WDR41: variants seen among roughly 807,000 people sequenced by gnomAD.
The protein encoded by WDR41 is WD repeat-containing protein 41.
WDR41 carries 63 observed loss-of-function variants against 69.3 expected under a neutral mutation model. The ratio of observed to expected loss-of-function variants is 0.91; its 90% confidence interval spans 0.74 to 1.12. The LOEUF (loss-of-function observed/expected upper bound fraction) is 1.12, where lower values mean the gene tolerates loss of function less well. Ranked by LOEUF, WDR41 falls within the 50% of genes most tolerant of loss-of-function variation. The pLI is 0.00. For missense variants in WDR41, 543 were observed against 534.5 expected (o/e 1.02, Z -0.16); for synonymous variants, 185 against 192.1 (o/e 0.96, Z 0.31).
At chr5:77,610,363 C>G (rs1296924416) in intron 1 of WDR41, among the ~76,000 whole-genome samples, 1 of 152,102 alleles carries the variant, frequency 6.6e-6, no homozygotes, top group Non-Finnish European at 1.5e-5. Context: ...TCAGATTCAC[C>G]AAACTTGAAA....
chr5:77,474,312 C>T (rs570779532), intron 2 of WDR41, among the ~76,000 whole-genome samples: 8 of 152,084 alleles, frequency 5.3e-5, no homozygotes, highest in African/African-American at 1.9e-4. Context: ...GGAGGGATAG[C>T]ATTTGGAGAT....
At chr5:77,599,581 G>A (rs1302279564) in intron 1 of WDR41, among the ~76,000 whole-genome samples, 1 of 152,044 alleles carries the variant, frequency 6.6e-6, no homozygotes, top group Non-Finnish European at 1.5e-5. Flanking sequence ...TTCCAAATGA[G>A]ATTATTTAGT....
intron 1 of WDR41, among the ~76,000 whole-genome samples, chr5:77,505,131 G>A (rs139369886): frequency 0.022 from 3,326 of 152,246 alleles, 99 homozygotes; most frequent in African/African-American, 0.067. Context: ...AAACCCCATC[G>A]TCTCCACCCA....
Position 77,551,668 on chromosome 5 carries a change from A to G in WDR41, c.43-62096T>C, listed in dbSNP as rs1743298586. 2.0e-5 allele frequency among the ~76,000 whole-genome samples: 3 copies of G among 151,360 alleles called. No individual in the cohort carries two copies. In the South Asian group the frequency reaches 6.3e-4, roughly 32 times the overall value. On this transcript the variant is annotated intron_variant, in intron 1 of 5. Transcript: ENST00000509971. ...ACTCCAGCCTGGGTGACAGAGTGAG[A>G]CTCTGACTCAAAAAATAAAAAAATA...
At chr5:77,614,150 G>C (rs1175803289) in intron 1 of WDR41, among the ~76,000 whole-genome samples, 1 of 150,930 alleles carries the variant, frequency 6.6e-6, no homozygotes, top group South Asian at 2.1e-4. Context: ...GAAACAACAG[G>C]TGCTGGAGAG....
chr5:77,464,240 T>A (rs960609500), intron 3 of WDR41, among the ~76,000 whole-genome samples: 1 of 151,768 alleles, frequency 6.6e-6, no homozygotes, highest in Non-Finnish European at 1.5e-5. Context: ...TTTTTTGAAT[T>A]TTCATACTTT....
intron 1 of WDR41, among the ~76,000 whole-genome samples, chr5:77,511,252 C>T (rs2112172624): frequency 6.6e-6 from 1 of 152,272 alleles, no homozygotes; most frequent in African/African-American, 2.4e-5. Context: ...CAGTTGACGT[C>T]TTTTCAATAC....
chr5:77,583,434 C>G lies in WDR41; in HGVS notation c.42+37045G>C, dbSNP rs545957326. Among the ~76,000 whole-genome samples, 18 of 151,486 alleles carry G rather than the reference C, an allele frequency of 1.2e-4. 1 individual carries two copies. In the South Asian group the frequency reaches 3.3e-3, roughly 28 times the overall value. ...GAGGCTGATGTGAGGATCACTTGAG[C>G]CAGGGAGGCAGAGGTTGCAGTGAGT... is the stretch of plus-strand genomic sequence containing the variant. On this transcript the variant is annotated intron_variant, in intron 1 of 5. Transcript: ENST00000509971.
At chr5:77,436,144 A>G in intron 12 of WDR41, 117 bp downstream of exon 12, 2 of 1,345,984 alleles carry the variant, frequency 1.5e-6, no homozygotes, top group Non-Finnish European at 1.0e-6. Context: ...TTCAGATCTG[A>G]CAAACACCTA....
At chr5:77,543,351 C>A (rs1198103721) in intron 1 of WDR41, among the ~76,000 whole-genome samples, 1 of 152,102 alleles carries the variant, frequency 6.6e-6, no homozygotes, top group South Asian at 2.1e-4. Flanking sequence ...AGTTACTAAG[C>A]TAATCAGGGA....
chr5:77,590,281 T>C (rs962328543), intron 1 of WDR41, among the ~76,000 whole-genome samples: 12 of 152,198 alleles, frequency 7.9e-5, no homozygotes, highest in African/African-American at 2.9e-4. Flanking sequence ...TTGATTGCCT[T>C]ACCAATGTCT....
chr5:77,491,857 G>A (rs1801804880), intron 1 of WDR41: 2 of 394,194 alleles, frequency 5.1e-6, no homozygotes, highest in South Asian at 6.9e-5. Context: ...GAAGCCCTAA[G>A]TTGTCACAGG....
chr5:77,517,106 T>A (rs12658646), intron 1 of WDR41, among the ~76,000 whole-genome samples: 49,302 of 151,756 alleles, frequency 0.32, 8,102 homozygotes, highest in Admixed American at 0.35. Context: ...TTACAACCCA[T>A]TGGCCAGAAC....
intron 8 of WDR41, among the ~76,000 whole-genome samples, chr5:77,449,438 G>C (rs1430974582): frequency 6.6e-6 from 1 of 152,166 alleles, no homozygotes; most frequent in Non-Finnish European, 1.5e-5. Context: ...CTACAAAAGA[G>C]GAACTAGCCA....
At chr5:77,614,353 T>G (rs1475329244) in intron 1 of WDR41, among the ~76,000 whole-genome samples, 2 of 151,884 alleles carry the variant, frequency 1.3e-5, no homozygotes, top group South Asian at 2.1e-4. Context: ...ACATGTATGT[T>G]TATTGTGGCA....
intron 1 of WDR41, among the ~76,000 whole-genome samples, chr5:77,579,262 A>C (rs1417107890): frequency 1.3e-5 from 2 of 152,168 alleles, no homozygotes; most frequent in Non-Finnish European, 2.9e-5. Context: ...AAGCCTTCTC[A>C]AATTTATTGA....
At chr5:77,449,016 A>G (rs965406758) in intron 8 of WDR41, among the ~76,000 whole-genome samples, 1 of 152,088 alleles carries the variant, frequency 6.6e-6, no homozygotes, top group African/African-American at 2.4e-5. Context: ...GCTCCACCAG[A>G]CTATCAAACT....
chr5:77,595,551 C>A (rs1286466390), intron 1 of WDR41, among the ~76,000 whole-genome samples: 2 of 152,132 alleles, frequency 1.3e-5, no homozygotes, highest in Non-Finnish European at 2.9e-5. Context: ...GGCACAAAAT[C>A]AGCTTGAGAT....
At chr5:77,584,425 C>A (rs745894069) in intron 1 of WDR41, among the ~76,000 whole-genome samples, 13 of 151,836 alleles carry the variant, frequency 8.6e-5, no homozygotes, top group Non-Finnish European at 1.5e-4. Flanking sequence ...ATTTTTATAC[C>A]CTTGCAAAGA....
Sources: gnomAD v4.1 joint callset for allele counts (sites outside exome capture counted in the v4.1 genomes callset) on GRCh38, gnomAD v4.1.1 for gene constraint, MANE v1.5 for transcripts, NCBI Gene and HGNC (gene_info 2026-07-23, HGNC 2026-07-21) for gene names.